INTU: variants seen among roughly 807,000 people sequenced by gnomAD.
INTU encodes the protein inturned planar cell polarity protein, also known as protein inturned.
INTU carries 68 observed loss-of-function variants against 100.5 expected under a neutral mutation model. The ratio of observed to expected loss-of-function variants is 0.68; its 90% CI spans 0.56 to 0.83. The LOEUF (loss-of-function observed/expected upper bound fraction) is 0.83. Among genes scored for constraint, INTU ranks in the 40% least tolerant of loss-of-function variants. INTU has a pLI of 0.00. For synonymous variants in INTU, 357 were observed against 395.7 expected, an observed-to-expected ratio of 0.90 and a Z score of 1.16; for missense variants, 1,071 against 1,114.7, an observed-to-expected ratio of 0.96 and a Z score of 0.56.
At chr4:127,647,570 C>G (rs1194546003) in intron 2 of INTU, among the ~76,000 whole-genome samples, 2 of 152,098 alleles carry the variant, frequency 1.3e-5, no homozygotes, top group Non-Finnish European at 2.9e-5. Flanking sequence ...CTGCAAAGTC[C>G]TTCTTGCTGT....
intron 15 of INTU, 63 bp downstream of exon 15, chr4:127,714,156 G>A: frequency 7.4e-7 from 1 of 1,345,430 alleles, no homozygotes; most frequent in Non-Finnish European, 1.0e-6. Flanking sequence ...AAGTGGTAAA[G>A]GAGATTAACA....
chr4:127,637,972 A>G (rs983508640), intron 1 of INTU, among the ~76,000 whole-genome samples: 1 of 152,200 alleles, frequency 6.6e-6, no homozygotes, highest in African/African-American at 2.4e-5. Context: ...AATGTTGCTT[A>G]GCAAGAAGAG....
At position 127,704,255 on chromosome 4, in the gene INTU, C is replaced by CA; in HGVS notation, c.1531_1532insA (p.Leu511HisfsTer24). 3 of 1,610,830 alleles carry CA rather than the reference C, an allele frequency of 1.9e-6. No homozygotes were observed. Among genetic ancestry groups the CA allele is most frequent in the Non-Finnish European group, 2.5e-6 (3 of 1,178,206 alleles). On this transcript the variant is annotated frameshift_variant, in exon 10 of 16. Transcript: ENST00000335251. LOFTEE classifies it high-confidence loss of function. The stretch of plus-strand genomic sequence containing the variant: ...CGAGGATTACTATGACATGAGGCGG[C>CA]TGTATACAATTTTGGGGTCTTCTCT...
In INTU at chr4:127,643,815, T is replaced by C; in HGVS notation, c.441T>C (p.Asn147=). 1 of 1,613,938 alleles carries C rather than the reference T, an allele frequency of 6.2e-7. No individual in the cohort carries two copies. Among genetic ancestry groups the C allele is most frequent in the Non-Finnish European group, 8.5e-7 (1 of 1,180,012 alleles). Residue 147 remains asparagine, a synonymous_variant, in exon 2 of 16, where the codon AAT becomes AAC. Transcript: ENST00000335251. ...GPVSILKHQS[N]QKTGVIVQQR... ...TATCCATTCTAAAGCATCAGTCCAA[T>C]CAGAAGACAGGAGTCATTGTCCAAC...
At chr4:127,709,721 A>G (rs1359164192) in intron 13 of INTU, among the ~76,000 whole-genome samples, 1 of 151,708 alleles carries the variant, frequency 6.6e-6, no homozygotes, top group Non-Finnish European at 1.5e-5. Context: ...TCACACACAC[A>G]CACACACACA....
intron 3 of INTU, among the ~76,000 whole-genome samples, chr4:127,660,406 A>T (rs1220648090): frequency 6.6e-6 from 1 of 152,182 alleles, no homozygotes; most frequent in Non-Finnish European, 1.5e-5. Flanking sequence ...CTGTTAGCCA[A>T]CAGGGAAAGG....
At chr4:127,675,218 G>A (rs4240285) in intron 6 of INTU, among the ~76,000 whole-genome samples, 52 of 152,228 alleles carry the variant, frequency 3.4e-4, no homozygotes, top group Admixed American at 1.3e-3. Context: ...GAATCATAGC[G>A]TATGGTCTAC....
intron 6 of INTU, chr4:127,676,150 G>A (rs1340333176): frequency 1.2e-5 from 2 of 164,662 alleles, no homozygotes; most frequent in Non-Finnish European, 2.7e-5. Flanking sequence ...TAATGGCGCT[G>A]TGACATATAC....
intron 3 of INTU, among the ~76,000 whole-genome samples, chr4:127,657,253 TA>T (rs1301411877): frequency 6.6e-6 from 1 of 152,234 alleles, no homozygotes; most frequent in Non-Finnish European, 1.5e-5. Context: ...ATTTATTTTA[TA>T]AAAAGTAATT....
intron 7 of INTU, chr4:127,687,232 T>C (rs537597942): frequency 6.6e-6 from 1 of 152,458 alleles, no homozygotes; most frequent in Non-Finnish European, 1.5e-5. Context: ...GATTTGCCTG[T>C]GATAGCTACC....
chr4:127,703,443 C>G (rs1408249975), intron 9 of INTU, among the ~76,000 whole-genome samples: 1 of 152,164 alleles, frequency 6.6e-6, no homozygotes, highest in Non-Finnish European at 1.5e-5. Flanking sequence ...TGTATCCTTC[C>G]AGACCTTTTT....
In INTU at chr4:127,705,589, A is replaced by G. The variant is rs1308442154; in HGVS notation, c.1567-2A>G. The G allele has an allele frequency of 5.6e-6, 9 of 1,611,192 alleles. No individual in the cohort carries two copies. Among genetic ancestry groups the G allele is most frequent in the African/African-American group, 2.7e-5 (2 of 74,880 alleles). ...CTTTTGCTCTTTGTGGTTAAATTCA[A>G]GGGTTATTTGATATGCAGTCATTTG... is the stretch of plus-strand genomic sequence containing the variant. On this transcript the variant is annotated splice_acceptor_variant, in intron 10 of 15. Transcript: ENST00000335251. LOFTEE classifies it high-confidence loss of function.
chr4:127,664,510 A>G (rs1047107555), intron 4 of INTU, among the ~76,000 whole-genome samples: 10 of 151,964 alleles, frequency 6.6e-5, no homozygotes, highest in African/African-American at 2.4e-4. Flanking sequence ...CCAGTTCTAA[A>G]TATTTATGCT....
chr4:127,711,095 T>G lies in INTU; in HGVS notation c.2552T>G (p.Val851Gly). Reference protein sequence around the residue: ...SIRAVFQQTLVEEKKKGLNSG... With the variant: ...SIRAVFQQTLGEEKKKGLNSG... ...CGTGCAGTTTTCCAACAGACATTGGTGGAAGAGGTAGGGCACTGCTATAAA... is the reference window on the plus strand; with the variant it reads ...CGTGCAGTTTTCCAACAGACATTGGGGGAAGAGGTAGGGCACTGCTATAAA... Residue 851 changes from valine to glycine, a missense_variant, in exon 14 of 16, where the codon GTG becomes GGG. Physicochemically the swap from Val to Gly is moderately radical, Grantham distance 109. Transcript: ENST00000335251. 6.3e-7 allele frequency: 1 copy of G among 1,586,950 alleles called. No individual in the cohort carries two copies.
At chr4:127,714,177 T>C in intron 15 of INTU, 84 bp downstream of exon 15, 1 of 1,165,676 alleles carries the variant, frequency 8.6e-7, no homozygotes, top group Non-Finnish European at 1.2e-6. Context: ...TTTTAAAATG[T>C]AAGCATGGAA....
intron 1 of INTU, among the ~76,000 whole-genome samples, chr4:127,636,356 A>G (rs1400446376): frequency 2.0e-5 from 3 of 152,108 alleles, no homozygotes; most frequent in Non-Finnish European, 4.4e-5. Flanking sequence ...CACACCTGTA[A>G]TCCCAGCACT....
intron 3 of INTU, among the ~76,000 whole-genome samples, chr4:127,661,890 T>C (rs1401290956): frequency 6.6e-6 from 1 of 152,216 alleles, no homozygotes; most frequent in Non-Finnish European, 1.5e-5. Flanking sequence ...GTTGTACTAA[T>C]TTACATTTCC....
Position 127,719,878 on chromosome 4 carries a change from CTTT to C in INTU, c.*3443_*3445del, listed in dbSNP as rs1350777832. ...CTATTTGGTTCTTCTCTCTTTTCTT[CTTT>C]ATTAGTCTAGCTAATAGTCTATTTT... On this transcript the variant is annotated 3_prime_UTR_variant, in exon 16 of 16. Coordinates refer to ENST00000335251, the MANE Select transcript of INTU (RefSeq NM_015693.4). 6.6e-6 allele frequency: 1 copy of C among 151,764 alleles called. No homozygotes were observed. Among genetic ancestry groups the C allele is most frequent in the Non-Finnish European group, 1.5e-5 (1 of 67,948 alleles). The allele number at this position is 151,764 out of a possible 1,614,324, so 9.4% of individuals were successfully genotyped here.
rs910729956 is a variant in INTU at position 127,655,964 on chromosome 4, C to T, written c.683-672C>T. On this transcript the variant is annotated intron_variant, in intron 2 of 15. Coordinates refer to ENST00000335251, the MANE Select transcript of INTU (RefSeq NM_015693.4). ...AAACCGGTCCGAAAAGCGCAATATT[C>T]GGGTGGGAGTGACCCGATTTTCCAG... Among the ~76,000 whole-genome samples the T allele has an allele frequency of 2.1e-4, 32 of 152,304 alleles. No homozygotes were observed. The East Asian group carries it at 3.7e-3, about 17-fold the overall frequency.
Sources: gnomAD v4.1 joint callset for allele counts (sites outside exome capture counted in the v4.1 genomes callset) on GRCh38, gnomAD v4.1.1 for gene constraint, MANE v1.5 for transcripts, NCBI Gene and HGNC (gene_info 2026-07-23, HGNC 2026-07-21) for gene names.